The following DRAXIN variants were observed in gnomAD, a reference collection of about 807,000 sequenced individuals.
DRAXIN encodes the protein dorsal repulsive axon guidance protein.
DRAXIN carries 27 observed loss-of-function variants against 33.9 expected under a neutral mutation model. The observed-to-expected ratio is 0.80, with a 90% CI of 0.59 to 1.10. DRAXIN has a LOEUF of 1.10. Ranked by LOEUF, DRAXIN falls within the 50% of genes least tolerant of loss-of-function variation. The pLI is 0.00. For synonymous variants in DRAXIN, 178 were observed against 194.0 expected, an observed-to-expected ratio of 0.92 and a Z score of 0.69; for missense variants, 371 against 460.8, an observed-to-expected ratio of 0.81 and a Z score of 1.78.
At chr1:11,719,451 C>A in intron 6 of DRAXIN, 133 bp from the exon 7 acceptor site, 1 of 727,612 alleles carries the variant, frequency 1.4e-6, no homozygotes, top group Non-Finnish European at 2.3e-6. Flanking sequence ...ATTGGGGCTG[C>A]CGTGAGGAAG....
At position 11,705,213 on chromosome 1, in the gene DRAXIN, G is replaced by A. The variant is rs186006840; in HGVS notation, c.-10-1036G>A. Among the ~76,000 whole-genome samples the A allele has an allele frequency of 7.9e-5, 12 of 152,320 alleles. No homozygotes were observed. The highest frequency in any genetic ancestry group is 2.9e-4 in the African/African-American group (12 of 41,564). On this transcript the variant is annotated intron_variant, in intron 1 of 6. Coordinates refer to ENST00000294485, the MANE Select transcript of DRAXIN (RefSeq NM_198545.4). The surrounding 1 kb of genome is among the most constrained non-coding windows in gnomAD (Gnocchi z 4.8). Reference sequence around the variant, plus strand: ...GAGGCCATAAAAATTCAATTAGCCTGGCTAACCTAGTGCCTAGCTCCAGGA... The same window carrying A: ...GAGGCCATAAAAATTCAATTAGCCTAGCTAACCTAGTGCCTAGCTCCAGGA...
intron 6 of DRAXIN, 105 bp downstream of exon 6, chr1:11,715,313 C>G: frequency 7.1e-7 from 1 of 1,415,640 alleles, no homozygotes; most frequent in Non-Finnish European, 9.9e-7. Context: ...GCTTTCCTGG[C>G]AGAGGGTGGA....
chr1:11,713,936 G>A (rs1318997315), intron 5 of DRAXIN, among the ~76,000 whole-genome samples: 1 of 152,124 alleles, frequency 6.6e-6, no homozygotes, highest in Non-Finnish European at 1.5e-5. Flanking sequence ...AGGAGGCTGA[G>A]GCAAAGAATT....
rs1007237162 is a variant in DRAXIN, at chr1:11,704,424, C to T, written c.-10-1825C>T. Among the ~76,000 whole-genome samples, 8 of 152,282 alleles carry T rather than the reference C, an allele frequency of 5.3e-5. No homozygotes were observed. Among genetic ancestry groups the T allele is most frequent in the East Asian group, 3.9e-4 (2 of 5,136 alleles). On this transcript the variant is annotated intron_variant, in intron 1 of 6. Coordinates refer to ENST00000294485, the MANE Select transcript of DRAXIN (RefSeq NM_198545.4). This position sits in a 1 kb window ranked among gnomAD's most constrained non-coding sequence, Gnocchi z 4.6. ...CGAAGCAGGATTGAGGTTCCCTCTGCGCCGAACAATGCTTGAGTGACAGGC... is the reference window on the plus strand; with the variant it reads ...CGAAGCAGGATTGAGGTTCCCTCTGTGCCGAACAATGCTTGAGTGACAGGC...
chr1:11,714,224 C>T (rs984126226), intron 5 of DRAXIN, among the ~76,000 whole-genome samples: 1 of 150,342 alleles, frequency 6.7e-6, no homozygotes, highest in African/African-American at 2.4e-5. Context: ...AAACAAAAAG[C>T]ACAACAGATT....
chr1:11,704,621 G>A lies in DRAXIN; in HGVS notation c.-10-1628G>A, dbSNP rs1296989765. On this transcript the variant is annotated intron_variant, in intron 1 of 6. Transcript: ENST00000294485. This position sits in a 1 kb window ranked among gnomAD's most constrained non-coding sequence, Gnocchi z 4.6. Reference sequence around the variant, plus strand: ...GACCAGGACAGTAGCAGGGACTGTGGTGCAGGGTCTGTGGCCTTAGGAATG... The same window carrying A: ...GACCAGGACAGTAGCAGGGACTGTGATGCAGGGTCTGTGGCCTTAGGAATG... 2.0e-5 allele frequency among the ~76,000 whole-genome samples: 3 copies of A among 152,200 alleles called. No homozygotes were observed. Among genetic ancestry groups the A allele is most frequent in the Non-Finnish European group, 4.4e-5 (3 of 68,034 alleles).
At chr1:11,708,270 G>A (rs371252000) in intron 2 of DRAXIN, among the ~76,000 whole-genome samples, 8 of 152,188 alleles carry the variant, frequency 5.3e-5, no homozygotes, top group South Asian at 2.1e-4. Flanking sequence ...GGTGGGGAAC[G>A]GAGAAGGTTT....
Position 11,706,749 on chromosome 1 carries a change from C to G in DRAXIN, c.451+40C>G. ...GCGAGGGGTGGGGATGGGGGTGATT[C>G]CTGCCATGGACTGAGGGGAGCAGGA... On this transcript the variant is annotated intron_variant, in intron 2 of 6. Transcript: ENST00000294485. The surrounding 1 kb of genome is among the most constrained non-coding windows in gnomAD (Gnocchi z 5.5). 6.7e-7 allele frequency: 1 copy of G among 1,501,540 alleles called. No homozygotes were observed. Among genetic ancestry groups the G allele is most frequent in the Non-Finnish European group, 8.9e-7 (1 of 1,127,048 alleles). The allele number at this position is 1,501,540 out of a possible 1,614,324, so 93.0% of individuals were successfully genotyped here.
chr1:11,716,302 C>G lies in DRAXIN; in HGVS notation c.937+1094C>G, dbSNP rs113930705. On this transcript the variant is annotated intron_variant, in intron 6 of 6. Transcript: ENST00000294485. ...ATCTGTGTCTATCATCTCTCACACACTTTCCTTATTCCGACATGATTTCTA... is the reference window on the plus strand; with the variant it reads ...ATCTGTGTCTATCATCTCTCACACAGTTTCCTTATTCCGACATGATTTCTA... 1.9e-4 allele frequency among the ~76,000 whole-genome samples: 29 copies of G among 152,386 alleles called. 1 individual carries two copies. Among genetic ancestry groups the G allele is most frequent in the African/African-American group, 7.0e-4 (29 of 41,582 alleles).
chr1:11,702,416 T>C (rs1641306428), intron 1 of DRAXIN, among the ~76,000 whole-genome samples: 1 of 139,142 alleles, frequency 7.2e-6, no homozygotes, highest in Non-Finnish European at 1.6e-5. Context: ...CGCTCACACA[T>C]GTTCACACAC....
At chr1:11,697,131 A>G (rs1641206793) in intron 1 of DRAXIN, among the ~76,000 whole-genome samples, 1 of 152,140 alleles carries the variant, frequency 6.6e-6, no homozygotes, top group African/African-American at 2.4e-5. Flanking sequence ...AGAGAGGTTA[A>G]AAAACTTGCC....
At chr1:11,708,427 A>G (rs1422842963) in intron 2 of DRAXIN, among the ~76,000 whole-genome samples, 1 of 152,202 alleles carries the variant, frequency 6.6e-6, no homozygotes, top group Non-Finnish European at 1.5e-5. Context: ...CCTGGGCAAT[A>G]TGGAGAAACC....
Position 11,723,589 on chromosome 1 carries a change from C to CTTTTTTTTTTT in DRAXIN, c.*3898_*3908dup, listed in dbSNP as rs202198801. On this transcript the variant is annotated 3_prime_UTR_variant, in exon 7 of 7. Transcript: ENST00000294485. ...TGTTGTGAGTAGTGAATGCATACTT[C>CTTTTTTTTTTT]TTTTTTTTTTTTTTTCTTTTGAGAC... 7.0e-6 allele frequency: 1 copy of CTTTTTTTTTTT among 143,132 alleles called. No individual in the cohort carries two copies. The allele number at this position is 143,132 out of a possible 1,614,324, so 8.9% of individuals were successfully genotyped here.
chr1:11,719,340 T>A (rs1641625236), intron 6 of DRAXIN, among the ~76,000 whole-genome samples: 1 of 152,212 alleles, frequency 6.6e-6, no homozygotes, highest in Non-Finnish European at 1.5e-5. Flanking sequence ...CACCATTACG[T>A]GTCACACAGA....
intron 2 of DRAXIN, among the ~76,000 whole-genome samples, chr1:11,707,733 G>A (rs140118243): frequency 8.5e-5 from 13 of 152,132 alleles, no homozygotes; most frequent in African/African-American, 1.7e-4. Context: ...CTTCCTTAAC[G>A]TTTCCCCCAC....
rs1387381880 is a variant in DRAXIN at position 11,699,972 on chromosome 1, C to T, written c.-10-6277C>T. 2.0e-5 allele frequency among the ~76,000 whole-genome samples: 3 copies of T among 147,766 alleles called. No individual in the cohort carries two copies. The Admixed American group carries it at 2.1e-4, about 11-fold the overall frequency. On this transcript the variant is annotated intron_variant, in intron 1 of 6. Coordinates refer to ENST00000294485, the MANE Select transcript of DRAXIN (RefSeq NM_198545.4). Reference sequence around the variant, plus strand: ...AATAAAGTAAATCCAGGTGTAGTAGCTCACACCTGTAATCCCAGCACTTTG... The same window carrying T: ...AATAAAGTAAATCCAGGTGTAGTAGTTCACACCTGTAATCCCAGCACTTTG...
chr1:11,702,518 C>T (rs4846026), intron 1 of DRAXIN, among the ~76,000 whole-genome samples: 54,139 of 151,372 alleles, frequency 0.36, 9,962 homozygotes, highest in Admixed American at 0.44. Flanking sequence ...TATACACACA[C>T]ATGCACTCAC....
At chr1:11,700,863 G>A (rs1641262767) in intron 1 of DRAXIN, among the ~76,000 whole-genome samples, 1 of 152,300 alleles carries the variant, frequency 6.6e-6, no homozygotes, top group South Asian at 2.1e-4. Flanking sequence ...GATCAGCGCC[G>A]CAGGAATGCT....
intron 1 of DRAXIN, among the ~76,000 whole-genome samples, chr1:11,703,356 G>A (rs766135601): frequency 1.1e-4 from 17 of 152,202 alleles, no homozygotes; most frequent in Non-Finnish European, 1.9e-4. Context: ...GGACGTGGAC[G>A]GAGAGAGATG....
Sources: allele counts gnomAD v4.1 joint callset (sites outside exome capture counted in the v4.1 genomes callset), GRCh38; gene constraint gnomAD v4.1.1; non-coding constraint Gnocchi (gnomAD v3.1); transcripts MANE v1.5; gene names NCBI Gene and HGNC (gene_info 2026-07-23, HGNC 2026-07-21).